KIAA1217: variants seen among roughly 807,000 people sequenced by gnomAD.
KIAA1217 encodes the protein sickle tail protein homolog.
In KIAA1217, 88 loss-of-function variants were observed where a neutral mutation model predicts 163.9. The observed-to-expected ratio is 0.54, with a 90% CI of 0.45 to 0.64. The LOEUF is 0.64. Among genes scored for constraint, KIAA1217 ranks in the 30% least tolerant of loss-of-function variants. The pLI, the probability that KIAA1217 is intolerant of heterozygous loss-of-function variation, is 0.00. For synonymous variants in KIAA1217, 903 were observed against 923.1 expected, an observed-to-expected ratio of 0.98 and a Z score of 0.39; for missense variants, 2,372 against 2,475.0, an observed-to-expected ratio of 0.96 and a Z score of 0.88.
At chr10:24,025,928 A>G (rs976980116) in intron 2 of KIAA1217, among the ~76,000 whole-genome samples, 6 of 151,852 alleles carry the variant, frequency 4.0e-5, no homozygotes, top group African/African-American at 1.2e-4. Context: ...ATTTTTCTAC[A>G]TAGACAATAA....
chr10:24,494,099 G>T (rs1215368719), intron 6 of KIAA1217, among the ~76,000 whole-genome samples: 1 of 152,204 alleles, frequency 6.6e-6, no homozygotes, highest in Non-Finnish European at 1.5e-5. Flanking sequence ...CCCAGCTGAG[G>T]TGTACGGCAT....
At chr10:23,851,177 C>T (rs1839295111) in intron 1 of KIAA1217, among the ~76,000 whole-genome samples, 1 of 152,114 alleles carries the variant, frequency 6.6e-6, no homozygotes, top group African/African-American at 2.4e-5. Flanking sequence ...TCCCACCTCA[C>T]AACAGTCCCC....
chr10:23,904,834 G>A (rs1294905705), intron 1 of KIAA1217, among the ~76,000 whole-genome samples: 1 of 151,786 alleles, frequency 6.6e-6, no homozygotes, highest in East Asian at 1.9e-4. Context: ...GCTCTATGAG[G>A]GTCAAAAATC....
At chr10:24,325,614 T>A (rs2133398786) in intron 2 of KIAA1217, among the ~76,000 whole-genome samples, 1 of 152,342 alleles carries the variant, frequency 6.6e-6, no homozygotes, top group Admixed American at 6.5e-5. Context: ...CAGACATGAC[T>A]AATTACAAGT....
chr10:24,005,589 A>ACCC (rs1846957345), intron 1 of KIAA1217, among the ~76,000 whole-genome samples: 1 of 152,148 alleles, frequency 6.6e-6, no homozygotes, highest in Non-Finnish European at 1.5e-5. Context: ...AAATCTGGAA[A>ACCC]CTCACTTTCC....
In KIAA1217 at chr10:24,088,818, G is replaced by C. The variant is rs1461298723; in HGVS notation, c.-171+81444G>C. 1.2e-4 allele frequency among the ~76,000 whole-genome samples: 15 copies of C among 124,618 alleles called. 5 individuals are homozygous for C. Among genetic ancestry groups the C allele is most frequent in the Non-Finnish European group, 2.8e-4 (14 of 50,424 alleles). The allele number at this position is 124,618 out of a possible 152,430, so 81.8% of individuals were successfully genotyped here. On this transcript the variant is annotated intron_variant, in intron 2 of 18. Coordinates refer to the KIAA1217 transcript ENST00000376462. ...CCTTTGGGTATATATCCAGTAATGG[G>C]ATGGCTGGGTGAAATGGTATTTCCA... is the stretch of plus-strand genomic sequence containing the variant.
At chr10:24,099,585 A>G (rs999246356) in intron 2 of KIAA1217, among the ~76,000 whole-genome samples, 14 of 142,946 alleles carry the variant, frequency 9.8e-5, no homozygotes, top group Non-Finnish European at 2.0e-4. Context: ...ATATATATAT[A>G]TTATATATAT....
In KIAA1217 at chr10:24,545,835, A is replaced by T; in HGVS notation, c.5343A>T (p.Gly1781=). 2 of 1,588,650 alleles carry T rather than the reference A, an allele frequency of 1.3e-6. No individual in the cohort carries two copies. Among genetic ancestry groups the T allele is most frequent in the Non-Finnish European group, 8.6e-7 (1 of 1,169,004 alleles). Residue 1781 remains glycine, a synonymous_variant, in exon 21 of 21, where the codon GGA becomes GGT. Coordinates refer to ENST00000376454, the MANE Select transcript of KIAA1217 (RefSeq NM_019590.5). ...GCCATCTTTATTTGCAGGCTAATGG[A>T]AGTGCTAAGAAATCTGGTGGGGACT... ...QDPRQYRQAN[G]SAKKSGGDFK...
rs560815729 is a variant in KIAA1217 at position 23,751,029 on chromosome 10, T to TG, written c.-321+55797dup. ...TTGTTTTTTTTTTGTTTGTTTGTTTTGGTTTTTGTTTTTTTGGATACAGAG... is the reference window on the plus strand; with the variant it reads ...TTGTTTTTTTTTTGTTTGTTTGTTTTGGGTTTTTGTTTTTTTGGATACAGAG... On this transcript the variant is annotated intron_variant, in intron 1 of 18. Coordinates refer to the KIAA1217 transcript ENST00000376462. 3.1e-3 allele frequency among the ~76,000 whole-genome samples: 475 copies of TG among 151,222 alleles called. 1 individual carries two copies. Among genetic ancestry groups the TG allele is most frequent in the African/African-American group, 0.011 (451 of 41,178 alleles).
At chr10:24,287,281 C>G (rs1002043085) in intron 2 of KIAA1217, among the ~76,000 whole-genome samples, 1 of 152,166 alleles carries the variant, frequency 6.6e-6, no homozygotes, top group Non-Finnish European at 1.5e-5. Flanking sequence ...GAACTCCTGA[C>G]CTCAAGTGAT....
intron 2 of KIAA1217, among the ~76,000 whole-genome samples, chr10:24,021,679 TC>T (rs1324253920): frequency 6.6e-6 from 1 of 151,830 alleles, no homozygotes; most frequent in Non-Finnish European, 1.5e-5. Flanking sequence ...AGTGATACTA[TC>T]CAACTTCAGG....
At chr10:23,823,279 T>G (rs1837714609) in intron 1 of KIAA1217, among the ~76,000 whole-genome samples, 1 of 152,216 alleles carries the variant, frequency 6.6e-6, no homozygotes. Flanking sequence ...CTTCCTTGCC[T>G]GCTCTCAGGA....
chr10:24,187,971 G>C (rs1589827139), intron 2 of KIAA1217, among the ~76,000 whole-genome samples: 2 of 152,296 alleles, frequency 1.3e-5, no homozygotes, highest in East Asian at 3.9e-4. Context: ...GCCAAGGCAG[G>C]CAGATCACTT....
intron 2 of KIAA1217, among the ~76,000 whole-genome samples, chr10:24,296,664 C>T (rs1005072161): frequency 4.6e-5 from 7 of 152,256 alleles, no homozygotes; most frequent in African/African-American, 9.6e-5. Context: ...GTCTTAAAAA[C>T]GTGGAAACCC....
At chr10:23,944,994 G>A (rs1158994044) in intron 1 of KIAA1217, among the ~76,000 whole-genome samples, 3 of 150,912 alleles carry the variant, frequency 2.0e-5, no homozygotes, top group Non-Finnish European at 4.4e-5. Context: ...GGGAGGCGGA[G>A]GTTGCAGTGA....
intron 16 of KIAA1217, among the ~76,000 whole-genome samples, chr10:24,535,959 A>G (rs16924856): frequency 0.017 from 2,600 of 152,126 alleles, 34 homozygotes; most frequent in Middle Eastern, 0.034. Context: ...GGTGGTATAT[A>G]GCCTGGTTGA....
chr10:24,078,818 T>C (rs1015650624), intron 2 of KIAA1217, among the ~76,000 whole-genome samples: 6 of 152,132 alleles, frequency 3.9e-5, no homozygotes, highest in African/African-American at 1.4e-4. Flanking sequence ...AGGCCTTCTG[T>C]GGCCCGTCTG....
chr10:23,924,342 G>GAAAC (rs1842948981), intron 1 of KIAA1217, among the ~76,000 whole-genome samples: 3 of 152,058 alleles, frequency 2.0e-5, no homozygotes, highest in African/African-American at 7.2e-5. Context: ...ATAACTACCA[G>GAAAC]AATGACCAAA....
chr10:24,027,810 T>G (rs567380056), intron 2 of KIAA1217, among the ~76,000 whole-genome samples: 5 of 152,192 alleles, frequency 3.3e-5, no homozygotes, highest in Non-Finnish European at 5.9e-5. Flanking sequence ...CCCGGGAAAC[T>G]CCTAAATAAG....
Sources: allele counts gnomAD v4.1 joint callset (sites outside exome capture counted in the v4.1 genomes callset), GRCh38; gene constraint gnomAD v4.1.1; transcripts MANE v1.5; gene names NCBI Gene and HGNC (gene_info 2026-07-23, HGNC 2026-07-21).